The following MYO9A variants were observed in gnomAD, a reference collection of about 807,000 sequenced individuals.
The protein encoded by MYO9A is myosin IXA.
In MYO9A, 103 loss-of-function variants were observed where a neutral mutation model predicts 293.3. That is an observed-to-expected ratio of 0.35 (90% CI 0.30 to 0.41). The LOEUF (loss-of-function observed/expected upper bound fraction) is 0.41, where lower values mean the gene tolerates loss of function less well. MYO9A is among the 10% of genes least tolerant of loss of function. The pLI, the probability that MYO9A is intolerant of heterozygous loss-of-function variation, is 1.00. For missense variants in MYO9A, 2,685 were observed against 3,033.0 expected, an observed-to-expected ratio of 0.89 and a Z score of 2.69; for synonymous variants, 1,001 against 1,035.7, an observed-to-expected ratio of 0.97 and a Z score of 0.64.
intron 15 of MYO9A, among the ~76,000 whole-genome samples, chr15:71,946,084 T>C (rs1046262949): frequency 6.6e-6 from 1 of 152,216 alleles, no homozygotes; most frequent in East Asian, 1.9e-4. Flanking sequence ...TCTTCATGTA[T>C]TATCTTTAAT....
rs747159721 is a variant in MYO9A at position 71,959,898 on chromosome 15, T to C, written c.2182+3A>G. The C allele has an allele frequency of 6.2e-7, 1 of 1,609,730 alleles. No individual in the cohort carries two copies. Among genetic ancestry groups the C allele is most frequent in the Admixed American group, 1.7e-5 (1 of 59,902 alleles). ...TGGTAGAATACTAATAACTACTACTTACCAGTTTTTCTGTGAATGTTTCTT... is the reference window on the plus strand; with the variant it reads ...TGGTAGAATACTAATAACTACTACTCACCAGTTTTTCTGTGAATGTTTCTT... On this transcript the variant is annotated splice_donor_region_variant and intron_variant, in intron 14 of 41. Coordinates refer to ENST00000356056, the MANE Select transcript of MYO9A (RefSeq NM_006901.4).
At position 71,919,958 on chromosome 15, in the gene MYO9A, T is replaced by A. The variant is rs117949673; in HGVS notation, c.2563-3466A>T. Among the ~76,000 whole-genome samples the A allele has an allele frequency of 1.8e-3, 276 of 151,196 alleles. 9 individuals carry two copies. The East Asian group carries it at 0.052, about 29-fold the overall frequency. On this transcript the variant is annotated intron_variant, in intron 18 of 41. Coordinates refer to ENST00000356056, the MANE Select transcript of MYO9A (RefSeq NM_006901.4). ...AACAATAACCTGGTCAATCAACAAA[T>A]GTTCAGAGTCATTACTAAAGGTCAG...
At chr15:71,945,564 CTAGGA>C (rs1398315082) in intron 15 of MYO9A, among the ~76,000 whole-genome samples, 1 of 151,982 alleles carries the variant, frequency 6.6e-6, no homozygotes, top group African/African-American at 2.4e-5. Context: ...GTGCTCATGG[CTAGGA>C]TATTACAATT....
chr15:71,898,434 G>A lies in MYO9A; in HGVS notation c.4069C>T (p.Pro1357Ser). Reference sequence around the variant, plus strand: ...GGACTGCTGGATATCTTAGGTGATGGAAACTGCAAGTCTCCTTCATCTGAA... The same window carrying A: ...GGACTGCTGGATATCTTAGGTGATGAAAACTGCAAGTCTCCTTCATCTGAA... ...VISDEGDLQF[P>S]SPKISSSPKF... The change falls in exon 25 of 42, where the codon CCA becomes TCA. Residue 1357 changes from proline to serine, a missense_variant. By Grantham distance (74) the Pro-to-Ser change is moderately conservative. Transcript: ENST00000356056. The A allele has an allele frequency of 6.2e-7, 1 of 1,613,824 alleles. No homozygotes were observed. The highest frequency in any genetic ancestry group is 1.1e-5 in the South Asian group (1 of 91,064).
intron 1 of MYO9A, among the ~76,000 whole-genome samples, chr15:72,103,308 A>C (rs1373885581): frequency 7.2e-6 from 1 of 138,798 alleles, no homozygotes. Flanking sequence ...GCAGAAGCAG[A>C]AGCAGCAGCA....
At chr15:71,842,956 A>G (rs767325485) in intron 39 of MYO9A, among the ~76,000 whole-genome samples, 1 of 151,814 alleles carries the variant, frequency 6.6e-6, no homozygotes, top group Non-Finnish European at 1.5e-5. Context: ...GTGAGGATCA[A>G]TGTTAGACTC....
chr15:72,118,247 C>T (rs1267946109), upstream of MYO9A: 4 of 329,848 alleles, frequency 1.2e-5, no homozygotes, highest in Non-Finnish European at 1.1e-5. Context: ...TGCGCTTGCG[C>T]AGACACGCCC....
At chr15:71,878,568 C>T (rs559703239) in intron 30 of MYO9A, among the ~76,000 whole-genome samples, 1 of 152,142 alleles carries the variant, frequency 6.6e-6, no homozygotes, top group South Asian at 2.1e-4. Flanking sequence ...AGAAATGAAC[C>T]TTGTTTAGAT....
At chr15:72,108,820 T>C (rs1265510221) in intron 1 of MYO9A, among the ~76,000 whole-genome samples, 3 of 144,988 alleles carry the variant, frequency 2.1e-5, no homozygotes, top group Non-Finnish European at 4.5e-5. Flanking sequence ...TGGAGGGCAA[T>C]GGTGCAATCT....
intron 1 of MYO9A, among the ~76,000 whole-genome samples, chr15:72,080,307 CTTT>C (rs374292426): frequency 4.7e-5 from 6 of 127,358 alleles, no homozygotes; most frequent in African/African-American, 8.7e-5. Flanking sequence ...CCATGCTTCT[CTTT>C]TTTTTTTTTT....
intron 1 of MYO9A, among the ~76,000 whole-genome samples, chr15:72,098,850 T>G (rs2080155433): frequency 6.6e-6 from 1 of 151,856 alleles, no homozygotes; most frequent in Non-Finnish European, 1.5e-5. Flanking sequence ...ACTGCTGTGA[T>G]CATATTTTGG....
intron 14 of MYO9A, among the ~76,000 whole-genome samples, chr15:71,954,659 G>A (rs1264079611): frequency 1.3e-5 from 2 of 152,176 alleles, no homozygotes; most frequent in African/African-American, 2.4e-5. Flanking sequence ...GTGGGGCATT[G>A]ATTTTTTTAA....
At chr15:71,934,193 A>T (rs1157679230) in intron 17 of MYO9A, among the ~76,000 whole-genome samples, 1 of 152,114 alleles carries the variant, frequency 6.6e-6, no homozygotes, top group Non-Finnish European at 1.5e-5. Context: ...ACTTAAATCA[A>T]GTCTTTTTAA....
chr15:71,970,702 A>G (rs1025387679), intron 12 of MYO9A, among the ~76,000 whole-genome samples: 7 of 152,230 alleles, frequency 4.6e-5, no homozygotes, highest in African/African-American at 1.7e-4. Flanking sequence ...CTGACAGATG[A>G]TGCAAAGTAA....
chr15:72,118,268 GC>G (rs1404216977), upstream of MYO9A: 2 of 296,582 alleles, frequency 6.7e-6, no homozygotes, highest in Non-Finnish European at 1.2e-5. Context: ...CCTTTCCTAC[GC>G]CCCAGGCGGC....
At chr15:72,081,822 G>C (rs1245699861) in intron 1 of MYO9A, among the ~76,000 whole-genome samples, 3 of 152,112 alleles carry the variant, frequency 2.0e-5, no homozygotes, top group Non-Finnish European at 1.5e-5. Flanking sequence ...GCTTGTTTTT[G>C]TCAGCTTTGT....
chr15:71,897,787 A>G lies in MYO9A; in HGVS notation c.4716T>C (p.Asn1572=), dbSNP rs543489947. The G allele has an allele frequency of 1.0e-4, 169 of 1,614,090 alleles. 3 individuals carry two copies. In the South Asian group the frequency reaches 1.7e-3, roughly 16 times the overall value. ...SLNTSNKGEL[N]VLGSLSLKDA... is the part of the protein sequence containing the mutation. ...CTTTTAATGATAGGGACCCCAGTAC[A>G]TTAAGTTCTCCCTTATTTGAGGTAT... Residue 1572 remains asparagine (N), a synonymous_variant, in exon 25 of 42, where the codon AAT becomes AAC. Transcript: ENST00000356056.
At chr15:71,992,839 T>A (rs1324692531) in intron 10 of MYO9A, among the ~76,000 whole-genome samples, 1 of 151,648 alleles carries the variant, frequency 6.6e-6, no homozygotes, top group African/African-American at 2.4e-5. Context: ...TATTTTATAA[T>A]CTTGGGCTAG....
At chr15:72,079,898 AC>A (rs1396723765) in intron 1 of MYO9A, among the ~76,000 whole-genome samples, 1 of 152,212 alleles carries the variant, frequency 6.6e-6, no homozygotes, top group Non-Finnish European at 1.5e-5. Flanking sequence ...GTATTTCTGC[AC>A]CTGTATTTAA....
Sources: allele counts gnomAD v4.1 joint callset (sites outside exome capture counted in the v4.1 genomes callset), GRCh38; gene constraint gnomAD v4.1.1; transcripts MANE v1.5; gene names NCBI Gene and HGNC (gene_info 2026-07-23, HGNC 2026-07-21).